CCSER1: variants seen among roughly 807,000 people sequenced by gnomAD.
CCSER1 encodes coiled-coil serine rich protein 1, also known as serine-rich coiled-coil domain-containing protein 1.
In CCSER1, 41 loss-of-function variants were observed where a neutral mutation model predicts 82.0. The ratio of observed to expected loss-of-function variants is 0.50; its 90% CI spans 0.39 to 0.65. The LOEUF (loss-of-function observed/expected upper bound fraction) is 0.65, where lower values mean the gene tolerates loss of function less well. Ranked by LOEUF, CCSER1 falls within the 30% of genes least tolerant of loss-of-function variation. The pLI, the probability that CCSER1 is intolerant of heterozygous loss-of-function variation, is 0.00. For synonymous variants in CCSER1, 414 were observed against 383.9 expected (o/e 1.08, Z -0.92); for missense variants, 1,119 against 1,064.2 (o/e 1.05, Z -0.72).
intron 10 of CCSER1, among the ~76,000 whole-genome samples, chr4:91,377,625 G>A (rs999077026): frequency 6.6e-6 from 1 of 152,136 alleles, no homozygotes; most frequent in African/African-American, 2.4e-5. Flanking sequence ...ATTTGTTTGA[G>A]TTCTTTGGAG....
At chr4:90,855,830 A>G (rs749154768) in intron 8 of CCSER1, among the ~76,000 whole-genome samples, 2 of 152,186 alleles carry the variant, frequency 1.3e-5, no homozygotes, top group Non-Finnish European at 2.9e-5. Context: ...GTTAGAGTTT[A>G]GCATTATTCA....
rs546580583 is a variant in CCSER1, at chr4:91,075,117, G to A, written c.2173-10833G>A. On this transcript the variant is annotated intron_variant, in intron 9 of 10. Coordinates refer to ENST00000509176, the MANE Select transcript of CCSER1 (RefSeq NM_001145065.2). Reference sequence around the variant, plus strand: ...AGACAAAGTGGGTCTGTATGCCAGCGCAGTTACCAGGGGTGTTCATGCAGT... The same window carrying A: ...AGACAAAGTGGGTCTGTATGCCAGCACAGTTACCAGGGGTGTTCATGCAGT... Among the ~76,000 whole-genome samples, 29 of 151,890 alleles carry A rather than the reference G, an allele frequency of 1.9e-4. No individual in the cohort carries two copies. The East Asian group carries it at 2.9e-3, about 15-fold the overall frequency.
At chr4:91,387,450 A>T (rs889280951) in intron 10 of CCSER1, among the ~76,000 whole-genome samples, 1 of 152,050 alleles carries the variant, frequency 6.6e-6, no homozygotes, top group Non-Finnish European at 1.5e-5. Context: ...CTGAGAAAAA[A>T]ATGATTTGAT....
chr4:91,147,837 C>T (rs1011228632), intron 10 of CCSER1, among the ~76,000 whole-genome samples: 5 of 152,180 alleles, frequency 3.3e-5, no homozygotes, highest in African/African-American at 9.6e-5. Flanking sequence ...ACACTTAAAA[C>T]ACTGAAAACA....
chr4:91,158,544 T>C (rs1731051856), intron 10 of CCSER1, among the ~76,000 whole-genome samples: 1 of 152,000 alleles, frequency 6.6e-6, no homozygotes, highest in Admixed American at 6.6e-5. Context: ...AATTTTGTGG[T>C]TAGTTTACAA....
At chr4:91,548,273 A>C (rs1011829434) in intron 10 of CCSER1, among the ~76,000 whole-genome samples, 18 of 152,134 alleles carry the variant, frequency 1.2e-4, no homozygotes, top group African/African-American at 3.9e-4. Flanking sequence ...ATAATAACAA[A>C]ATATTCTTTA....
At chr4:91,195,812 G>A (rs1735358391) in intron 10 of CCSER1, among the ~76,000 whole-genome samples, 1 of 152,026 alleles carries the variant, frequency 6.6e-6, no homozygotes, top group African/African-American at 2.4e-5. Flanking sequence ...GTCTTCAGAC[G>A]CCTTTGTTGC....
At chr4:91,466,231 A>C (rs1373835858) in intron 10 of CCSER1, among the ~76,000 whole-genome samples, 1 of 152,204 alleles carries the variant, frequency 6.6e-6, no homozygotes, top group Non-Finnish European at 1.5e-5. Context: ...TCCATCATAT[A>C]AACAGAACCA....
chr4:90,408,880 G>A (rs970878021), intron 4 of CCSER1, among the ~76,000 whole-genome samples: 1 of 152,034 alleles, frequency 6.6e-6, no homozygotes, highest in African/African-American at 2.4e-5. Flanking sequence ...GTTAAAAACT[G>A]AAAACAAATT....
At chr4:90,704,483 T>C (rs1193553804) in intron 6 of CCSER1, among the ~76,000 whole-genome samples, 1 of 152,194 alleles carries the variant, frequency 6.6e-6, no homozygotes, top group Admixed American at 6.5e-5. Flanking sequence ...AGTATCTTTG[T>C]GGCGTTCTCT....
Position 91,565,431 on chromosome 4 carries a change from T to C in CCSER1, c.2218-33141T>C, listed in dbSNP as rs564776169. Among the ~76,000 whole-genome samples, 16 of 152,222 alleles carry C rather than the reference T, an allele frequency of 1.1e-4. 1 individual carries two copies. The South Asian group carries it at 3.3e-3, about 32-fold the overall frequency. ...ATTAAAATTATTTTTTCTAGTTTTA[T>C]GAAGAATATCATTGATAGTTTGATA... On this transcript the variant is annotated intron_variant, in intron 10 of 10. Transcript: ENST00000509176.
At chr4:90,873,017 A>C (rs907938681) in intron 8 of CCSER1, among the ~76,000 whole-genome samples, 1 of 151,820 alleles carries the variant, frequency 6.6e-6, no homozygotes, top group Non-Finnish European at 1.5e-5. Flanking sequence ...AAAATACTTG[A>C]TTTGGGGAGT....
At chr4:90,289,429 G>T (rs951544678) in intron 1 of CCSER1, among the ~76,000 whole-genome samples, 1 of 151,898 alleles carries the variant, frequency 6.6e-6, no homozygotes, top group East Asian at 1.9e-4. Context: ...ACATCAAATT[G>T]TTCAAAATAT....
chr4:91,081,526 C>A (rs564820221), intron 9 of CCSER1, among the ~76,000 whole-genome samples: 1 of 152,098 alleles, frequency 6.6e-6, no homozygotes, highest in Non-Finnish European at 1.5e-5. Flanking sequence ...CCTCTCTCAC[C>A]ACTCCTATTC....
intron 10 of CCSER1, among the ~76,000 whole-genome samples, chr4:91,093,863 G>T (rs573987739): frequency 6.6e-6 from 1 of 152,286 alleles, no homozygotes; most frequent in South Asian, 2.1e-4. Context: ...CAACGGTTTG[G>T]CTAGCACTGC....
chr4:91,082,330 A>G (rs1581508079), intron 9 of CCSER1, among the ~76,000 whole-genome samples: 1 of 152,350 alleles, frequency 6.6e-6, no homozygotes, highest in Middle Eastern at 3.4e-3. Flanking sequence ...TATTTAATAA[A>G]TGCTTCTGGG....
At chr4:91,459,305 A>G (rs1398771138) in intron 10 of CCSER1, among the ~76,000 whole-genome samples, 1 of 152,152 alleles carries the variant, frequency 6.6e-6, no homozygotes, top group Non-Finnish European at 1.5e-5. Flanking sequence ...AGGAATATGC[A>G]TACTAGGAAT....
intron 5 of CCSER1, among the ~76,000 whole-genome samples, chr4:90,482,857 G>A (rs1287523862): frequency 6.6e-6 from 1 of 152,152 alleles, no homozygotes; most frequent in Admixed American, 6.5e-5. Context: ...TGTTGATTTG[G>A]GGTGGAGAGT....
At chr4:90,370,749 C>A (rs544539751) in intron 3 of CCSER1, among the ~76,000 whole-genome samples, 1 of 152,044 alleles carries the variant, frequency 6.6e-6, no homozygotes, top group Admixed American at 6.6e-5. Context: ...AAAAGTTACA[C>A]CTCATGCACC....
Sources: allele counts gnomAD v4.1 joint callset (sites outside exome capture counted in the v4.1 genomes callset), GRCh38; gene constraint gnomAD v4.1.1; transcripts MANE v1.5; gene names NCBI Gene and HGNC (gene_info 2026-07-23, HGNC 2026-07-21).